DNAH9: variants seen among roughly 807,000 people sequenced by gnomAD.
DNAH9 encodes dynein axonemal heavy chain 9.
In DNAH9, 345 loss-of-function variants were observed where a neutral mutation model predicts 471.6. That is an observed-to-expected ratio of 0.73 (90% CI 0.67 to 0.80). DNAH9 has a LOEUF of 0.80. DNAH9 is among the 30% of genes least tolerant of loss of function. DNAH9 has a pLI of 0.00. For synonymous variants in DNAH9, 2,093 were observed against 2,123.6 expected (o/e 0.99, Z 0.40); for missense variants, 5,407 against 5,609.2 (o/e 0.96, Z 1.15).
rs1405495550 is a variant in DNAH9, at chr17:11,690,384, AC to A, written c.4564del (p.Leu1522TrpfsTer32). 1 of 1,614,036 alleles carries A rather than the reference AC, an allele frequency of 6.2e-7. No individual in the cohort carries two copies. Among genetic ancestry groups the A allele is most frequent in the East Asian group, 2.2e-5 (1 of 44,884 alleles). On this transcript the variant is annotated frameshift_variant, in exon 20 of 69. Coordinates refer to ENST00000262442, the MANE Select transcript of DNAH9 (RefSeq NM_001372.4). LOFTEE classifies it high-confidence loss of function. ...IWFEVQRTWTHLESIFTGSED... is the reference protein window; with the variant it reads ...IWFEVQRTWTXLESIFTGSED... Reference sequence around the variant, plus strand: ...TTTGAAGTGCAGCGAACATGGACTCACCTGGAAAGCATATTCACTGGATCTG... The same window carrying A: ...TTTGAAGTGCAGCGAACATGGACTCACTGGAAAGCATATTCACTGGATCTG...
rs768894160 is a variant in DNAH9, at chr17:11,670,946, G to A, written c.3353+1152G>A. Among the ~76,000 whole-genome samples the A allele has an allele frequency of 1.1e-4, 16 of 152,228 alleles. 1 individual carries two copies. Among genetic ancestry groups the A allele is most frequent in the South Asian group, 4.2e-4 (2 of 4,818 alleles). On this transcript the variant is annotated intron_variant, in intron 17 of 68. Coordinates refer to ENST00000262442, the MANE Select transcript of DNAH9 (RefSeq NM_001372.4). Reference sequence around the variant, plus strand: ...TTGAACTCCTGACCTCAGGTGATCCGGCTGCCTTGACTTCCCAAAGTGCTG... The same window carrying A: ...TTGAACTCCTGACCTCAGGTGATCCAGCTGCCTTGACTTCCCAAAGTGCTG...
In DNAH9 at chr17:11,711,906, T is replaced by A. The variant is rs1489999187; in HGVS notation, c.5552+6721T>A. Reference sequence around the variant, plus strand: ...TATATTTATATATAAATATATATATTTGTATATATATTTATATATAAATAT... The same window carrying A: ...TATATTTATATATAAATATATATATATGTATATATATTTATATATAAATAT... On this transcript the variant is annotated intron_variant, in intron 26 of 68. Transcript: ENST00000262442. Among the ~76,000 whole-genome samples the A allele has an allele frequency of 3.3e-3, 18 of 5,392 alleles. 8 individuals carry two copies. In the Non-Finnish European group the frequency reaches 0.15, roughly 43 times the overall value. The allele number at this position is 5,392 out of a possible 152,430, so 3.5% of individuals were successfully genotyped here. A position where few individuals can be genotyped will look rare whatever the true frequency, so the allele number is the denominator to read the frequency against.
intron 8 of DNAH9, among the ~76,000 whole-genome samples, chr17:11,636,232 C>T (rs966174997): frequency 6.6e-6 from 1 of 152,186 alleles, no homozygotes; most frequent in Non-Finnish European, 1.5e-5. Flanking sequence ...TCTTGAACTC[C>T]TGACCTCGTG....
At chr17:11,839,904 C>CAATTTTTCTTA (rs1567839435) in intron 49 of DNAH9, among the ~76,000 whole-genome samples, 1 of 152,128 alleles carries the variant, frequency 6.6e-6, no homozygotes, top group Non-Finnish European at 1.5e-5. Context: ...ATTTCCCATA[C>CAATTTTTCTTA]GCAATAATAT....
intron 38 of DNAH9, among the ~76,000 whole-genome samples, chr17:11,771,591 C>A (rs754723171): frequency 1.2e-4 from 18 of 152,202 alleles, no homozygotes; most frequent in Non-Finnish European, 2.5e-4. Context: ...CACATCAGCA[C>A]CTGGCAGTGG....
At chr17:11,668,438 G>A (rs184453972) in intron 15 of DNAH9, among the ~76,000 whole-genome samples, 13 of 152,226 alleles carry the variant, frequency 8.5e-5, no homozygotes, top group East Asian at 3.9e-4. Flanking sequence ...AGGCCAAGGC[G>A]GGCGAATCAC....
intron 38 of DNAH9, among the ~76,000 whole-genome samples, chr17:11,772,172 G>C (rs11869375): frequency 0.56 from 84,787 of 151,674 alleles, 25,947 homozygotes; most frequent in African/African-American, 0.83. Context: ...GAATGTTTTT[G>C]TATTTAATTG....
At chr17:11,949,477 G>A (rs1435126153) in intron 67 of DNAH9, among the ~76,000 whole-genome samples, 1 of 146,620 alleles carries the variant, frequency 6.8e-6, no homozygotes, top group Admixed American at 6.9e-5. Flanking sequence ...AGTATAGCTT[G>A]AGACTTTTTT....
At chr17:11,802,447 G>C (rs374823448) in intron 43 of DNAH9, among the ~76,000 whole-genome samples, 2 of 152,002 alleles carry the variant, frequency 1.3e-5, no homozygotes, top group Non-Finnish European at 2.9e-5. Flanking sequence ...TGGCCAACAC[G>C]GTGAAACCCC....
At chr17:11,810,949 C>T (rs2150928250) in intron 45 of DNAH9, among the ~76,000 whole-genome samples, 1 of 152,268 alleles carries the variant, frequency 6.6e-6, no homozygotes, top group Admixed American at 6.5e-5. Context: ...CAAGATAGGA[C>T]TTCAATGGAA....
chr17:11,841,625 G>T (rs1230256211), intron 49 of DNAH9, among the ~76,000 whole-genome samples: 1 of 152,176 alleles, frequency 6.6e-6, no homozygotes. Flanking sequence ...TCCCGTACCT[G>T]TGAAGATAAG....
rs1976253906 is a variant in DNAH9, at chr17:11,962,148, C to G, written c.13125C>G (p.Ala4375=). ...RKNEWPLDQM[A]LQCDMTKKNR... is the part of the protein sequence containing the mutation. ...ATGAGTGGCCACTGGACCAGATGGCCCTGCAATGTGACATGACGAAGAAGA... is the reference window on the plus strand; with the variant it reads ...ATGAGTGGCCACTGGACCAGATGGCGCTGCAATGTGACATGACGAAGAAGA... Residue 4375 remains alanine, a synonymous_variant, in exon 68 of 69, where the codon GCC becomes GCG. Transcript: ENST00000262442. This position sits in a 1 kb window ranked among gnomAD's most constrained non-coding sequence, Gnocchi z 4.1. 6.2e-7 allele frequency: 1 copy of G among 1,613,984 alleles called. No homozygotes were observed. The highest frequency in any genetic ancestry group is 1.3e-5 in the African/African-American group (1 of 74,884).
chr17:11,657,412 G>T (rs1288645942), intron 14 of DNAH9, among the ~76,000 whole-genome samples: 5 of 151,984 alleles, frequency 3.3e-5, no homozygotes, highest in Non-Finnish European at 5.9e-5. Flanking sequence ...AAATTGGATG[G>T]TTTATAGTTC....
chr17:11,908,669 G>A (rs543452317), intron 61 of DNAH9, among the ~76,000 whole-genome samples: 11 of 152,292 alleles, frequency 7.2e-5, no homozygotes, highest in East Asian at 1.9e-4. Context: ...CACATCAAAC[G>A]AAGTAACATC....
chr17:11,647,049 G>A lies in DNAH9; in HGVS notation c.1971-23G>A, dbSNP rs774548656. On this transcript the variant is annotated intron_variant, in intron 11 of 68. Transcript: ENST00000262442. ...GAGCTGGGAGGGGGCTTATGAGGTG[G>A]CTGTTGTCTCTGACCCTTGCAGGTA... The A allele has an allele frequency of 5.6e-6, 9 of 1,612,004 alleles. No homozygotes were observed. The South Asian group carries it at 9.9e-5, about 18-fold the overall frequency.
chr17:11,916,842 A>T (rs757652044), intron 61 of DNAH9, among the ~76,000 whole-genome samples: 4 of 151,880 alleles, frequency 2.6e-5, no homozygotes, highest in Non-Finnish European at 4.4e-5. Context: ...TCCTTCCTCC[A>T]CCCCCGAAAA....
intron 67 of DNAH9, among the ~76,000 whole-genome samples, chr17:11,946,063 G>A (rs1975109057): frequency 6.6e-6 from 1 of 151,814 alleles, no homozygotes; most frequent in Non-Finnish European, 1.5e-5. Flanking sequence ...AGCCAGGCGT[G>A]GTGGCACGCA....
Position 11,713,979 on chromosome 17 carries a change from C to G in DNAH9, c.5553-5355C>G, listed in dbSNP as rs553527173. Among the ~76,000 whole-genome samples, 4 of 152,204 alleles carry G rather than the reference C, an allele frequency of 2.6e-5. No individual in the cohort carries two copies. In the East Asian group the frequency reaches 7.7e-4, roughly 29 times the overall value. ...GTCACATTTTGAGAAAGACATTTAC[C>G]AATTAGCATAGGCAAAGGAAAAGAT... On this transcript the variant is annotated intron_variant, in intron 26 of 68. Coordinates refer to ENST00000262442, the MANE Select transcript of DNAH9 (RefSeq NM_001372.4).
intron 14 of DNAH9, among the ~76,000 whole-genome samples, chr17:11,654,389 G>A (rs181209570): frequency 7.4e-6 from 1 of 134,548 alleles, no homozygotes; most frequent in African/African-American, 2.7e-5. Flanking sequence ...GTTTAAAATC[G>A]ATCTATCATC....
Sources: gnomAD v4.1 joint callset for allele counts (sites outside exome capture counted in the v4.1 genomes callset) on GRCh38, gnomAD v4.1.1 for gene constraint, Gnocchi (gnomAD v3.1) non-coding constraint, MANE v1.5 for transcripts, NCBI Gene and HGNC (gene_info 2026-07-23, HGNC 2026-07-21) for gene names.